The following ESRRG variants were observed in gnomAD, a reference collection of about 807,000 sequenced individuals.
ESRRG encodes estrogen related receptor gamma, also known as estrogen-related receptor gamma.
Under a neutral mutation model 44.0 loss-of-function variants are expected in ESRRG, and 13 were observed. The observed-to-expected ratio is 0.30, with a 90% CI of 0.19 to 0.47. The LOEUF is 0.47. Ranked by LOEUF, ESRRG falls within the 20% of genes least tolerant of loss-of-function variation. The pLI is 1.00. For missense variants in ESRRG, 395 were observed against 580.6 expected (o/e 0.68, Z 3.29); for synonymous variants, 215 against 214.6 (o/e 1.00, Z -0.02).
At chr1:216,800,060 G>A (rs551258794) in intron 2 of ESRRG, among the ~76,000 whole-genome samples, 62 of 152,150 alleles carry the variant, frequency 4.1e-4, no homozygotes, top group Non-Finnish European at 7.9e-4. Context: ...AGAAACAGAA[G>A]GTGCTAAATT....
chr1:216,578,169 A>G (rs958564517), intron 3 of ESRRG, among the ~76,000 whole-genome samples: 4 of 152,078 alleles, frequency 2.6e-5, no homozygotes, highest in African/African-American at 9.7e-5. Context: ...CCTCTTTAGG[A>G]AAAAATGTTT....
At position 216,553,129 on chromosome 1, in the gene ESRRG, G is replaced by T. The variant is rs958861551; in HGVS notation, c.862+11090C>A. On this transcript the variant is annotated intron_variant, in intron 5 of 6. Transcript: ENST00000408911. ...ACTTATTTTTTTTTTTTCCTAAAAT[G>T]CTGACCATGTCAGGAAGAGTTAGTT... Among the ~76,000 whole-genome samples, 12 of 151,104 alleles carry T rather than the reference G, an allele frequency of 7.9e-5. No individual in the cohort carries two copies. In the East Asian group the frequency reaches 1.4e-3, roughly 17 times the overall value.
intron 1 of ESRRG, among the ~76,000 whole-genome samples, chr1:217,080,021 T>C (rs2091620788): frequency 6.6e-6 from 1 of 152,170 alleles, no homozygotes; most frequent in African/African-American, 2.4e-5. Flanking sequence ...AGCTGGTAAA[T>C]TGCAGCCTAA....
chr1:216,943,038 G>A (rs1578451795), intron 1 of ESRRG, among the ~76,000 whole-genome samples: 1 of 128,662 alleles, frequency 7.8e-6, no homozygotes, highest in Non-Finnish European at 1.7e-5. Context: ...TTAAGATTGG[G>A]CATATAAACT....
intron 1 of ESRRG, among the ~76,000 whole-genome samples, chr1:216,970,554 C>T (rs980392773): frequency 6.6e-6 from 1 of 152,102 alleles, no homozygotes; most frequent in Admixed American, 6.6e-5. Flanking sequence ...GTCCTCACAC[C>T]TAACAGAACA....
chr1:216,898,768 A>G (rs965489759), intron 2 of ESRRG, among the ~76,000 whole-genome samples: 6 of 152,250 alleles, frequency 3.9e-5, no homozygotes, highest in African/African-American at 1.4e-4. Context: ...CAAGTCATCA[A>G]TGGAGCCTAG....
At chr1:216,658,915 G>C (rs556160248) in intron 2 of ESRRG, among the ~76,000 whole-genome samples, 3 of 127,818 alleles carry the variant, frequency 2.3e-5, no homozygotes, top group Admixed American at 1.6e-4. Flanking sequence ...GAAGAGAAGA[G>C]AAATAAAGAA....
chr1:216,519,042 C>T (rs577097582), intron 6 of ESRRG, 110 bp downstream of exon 6: 2 of 890,842 alleles, frequency 2.2e-6, no homozygotes, highest in East Asian at 5.1e-5. Flanking sequence ...ATTTTGCTGA[C>T]TCATACAAAA....
At chr1:216,789,390 ATT>A (rs1418360292) in intron 2 of ESRRG, among the ~76,000 whole-genome samples, 1 of 152,174 alleles carries the variant, frequency 6.6e-6, no homozygotes, top group Non-Finnish European at 1.5e-5. Flanking sequence ...GATCATTAGC[ATT>A]TTTAGCAATA....
At chr1:217,032,527 C>T (rs2082225920) in intron 1 of ESRRG, among the ~76,000 whole-genome samples, 1 of 152,168 alleles carries the variant, frequency 6.6e-6, no homozygotes, top group African/African-American at 2.4e-5. Flanking sequence ...AATGTTGTAA[C>T]TGCTTGAACT....
chr1:216,856,413 G>A (rs568287523), intron 2 of ESRRG, among the ~76,000 whole-genome samples: 21 of 150,090 alleles, frequency 1.4e-4, no homozygotes, highest in Non-Finnish European at 1.0e-4. Flanking sequence ...GAAGCGATTC[G>A]AGAGTGAAGA....
intron 2 of ESRRG, among the ~76,000 whole-genome samples, chr1:216,882,580 A>G (rs2096462470): frequency 6.6e-6 from 1 of 152,216 alleles, no homozygotes; most frequent in Non-Finnish European, 1.5e-5. Context: ...TAAGAACTGA[A>G]TTGTTCAATA....
intron 3 of ESRRG, among the ~76,000 whole-genome samples, chr1:216,620,249 C>A (rs567202117): frequency 2.6e-5 from 4 of 152,092 alleles, no homozygotes; most frequent in Non-Finnish European, 5.9e-5. Context: ...GGTTAAAAAT[C>A]GTATCTAATT....
At chr1:216,543,356 T>C (rs1457834179) in intron 5 of ESRRG, among the ~76,000 whole-genome samples, 1 of 152,036 alleles carries the variant, frequency 6.6e-6, no homozygotes, top group Non-Finnish European at 1.5e-5. Flanking sequence ...TCTATTTTAT[T>C]CTTTTGTACA....
At chr1:217,021,668 T>C (rs2080344817) in intron 1 of ESRRG, among the ~76,000 whole-genome samples, 1 of 152,144 alleles carries the variant, frequency 6.6e-6, no homozygotes, top group African/African-American at 2.4e-5. Context: ...TACAGCACAT[T>C]GAATGTAATG....
intron 2 of ESRRG, among the ~76,000 whole-genome samples, chr1:216,825,799 T>C (rs2095382328): frequency 6.6e-6 from 1 of 152,186 alleles, no homozygotes; most frequent in Admixed American, 6.6e-5. Context: ...AAGGTCCTTC[T>C]GGAAATGTAA....
intron 2 of ESRRG, among the ~76,000 whole-genome samples, chr1:216,668,422 G>T (rs2074438995): frequency 6.6e-6 from 1 of 152,142 alleles, no homozygotes; most frequent in Non-Finnish European, 1.5e-5. Context: ...TATTTTAAAT[G>T]ACTTTCAAAA....
chr1:216,912,182 A>AG lies in ESRRG; in HGVS notation c.-14+27399_-14+27400insC, dbSNP rs1560083161. Among the ~76,000 whole-genome samples, 99 of 16,090 alleles carry AG rather than the reference A, an allele frequency of 6.2e-3. 10 individuals are homozygous for AG. The highest frequency in any genetic ancestry group is 0.016 in the South Asian group (7 of 426). 10.6% of individuals were successfully genotyped at this position (16,090 alleles called of 152,430 possible). ...AAAGAAAAGAAAAGAAAAGAAAAGA[A>AG]AAGGAGAGGAGAGGAGAGGAGAGGA... On this transcript the variant is annotated intron_variant, in intron 2 of 7. Transcript: ENST00000359162.
At chr1:216,590,747 G>A (rs982802913) in intron 3 of ESRRG, among the ~76,000 whole-genome samples, 8 of 152,130 alleles carry the variant, frequency 5.3e-5, no homozygotes, top group African/African-American at 1.7e-4. Flanking sequence ...CTACAAACCC[G>A]GTTTTGTTTT....
Sources: allele counts gnomAD v4.1 joint callset (sites outside exome capture counted in the v4.1 genomes callset), GRCh38; gene constraint gnomAD v4.1.1; transcripts MANE v1.5; gene names NCBI Gene and HGNC (gene_info 2026-07-23, HGNC 2026-07-21).